FAM228B: variants seen among roughly 807,000 people sequenced by gnomAD.
FAM228B encodes protein FAM228B.
Under a neutral mutation model 42.6 loss-of-function variants are expected in FAM228B, and 38 were observed. That is an observed-to-expected ratio of 0.89 (90% CI 0.69 to 1.17). FAM228B has a LOEUF of 1.17. FAM228B is among the 50% of genes most tolerant of loss of function. The pLI, the probability that FAM228B is intolerant of heterozygous loss-of-function variation, is 0.00. For missense variants in FAM228B, 344 were observed against 367.3 expected, an observed-to-expected ratio of 0.94 and a Z score of 0.52; for synonymous variants, 109 against 122.3, an observed-to-expected ratio of 0.89 and a Z score of 0.72.
At chr2:24,142,166 A>T (rs891105818) in intron 5 of FAM228B, among the ~76,000 whole-genome samples, 2 of 152,034 alleles carry the variant, frequency 1.3e-5, no homozygotes, top group Admixed American at 1.3e-4. Flanking sequence ...GCTTGTCCTT[A>T]TTCTCAATTC....
chr2:24,161,123 T>TAATTATTAGCAGTCAGTGTATAATA (rs1184515494), intron 7 of FAM228B, among the ~76,000 whole-genome samples: 5 of 152,168 alleles, frequency 3.3e-5, no homozygotes, highest in Admixed American at 2.6e-4. Flanking sequence ...ATATTTCCTA[T>TAATTATTAGCAGTCAGTGTATAATA]ATAAATGTAA....
chr2:24,147,177 A>T (rs943703108), intron 7 of FAM228B, 91 bp downstream of exon 7: 7 of 930,298 alleles, frequency 7.5e-6, no homozygotes, highest in Admixed American at 3.4e-5. Context: ...ATGATTTTTT[A>T]AAATTATCAT....
upstream of FAM228B, among the ~76,000 whole-genome samples, chr2:24,120,007 G>A (rs1159063873): frequency 2.0e-5 from 3 of 152,050 alleles, no homozygotes; most frequent in Non-Finnish European, 2.9e-5. Context: ...AGTGGCTCCC[G>A]CCTGTAATCC....
chr2:24,145,463 T>C (rs1212033075), intron 5 of FAM228B, among the ~76,000 whole-genome samples: 3 of 152,098 alleles, frequency 2.0e-5, no homozygotes, highest in African/African-American at 7.2e-5. Flanking sequence ...TAGACACGTC[T>C]CCAGGAAAAA....
At chr2:24,155,572 C>T (rs1311768083) in intron 7 of FAM228B, among the ~76,000 whole-genome samples, 157 of 100,490 alleles carry the variant, frequency 1.6e-3, no homozygotes, top group African/African-American at 5.9e-3. Flanking sequence ...TGGATTTTCG[C>T]GCCTGTTGCT....
In FAM228B at chr2:24,084,470, C is replaced by T. The variant is rs1241859058; in HGVS notation, c.-210+3515C>T. 9.1e-7 allele frequency: 1 copy of T among 1,095,744 alleles called. No individual in the cohort carries two copies. The highest frequency in any genetic ancestry group is 1.2e-6 in the Non-Finnish European group (1 of 819,422). 67.9% of individuals were successfully genotyped at this position (1,095,744 alleles called of 1,614,324 possible). ...CCAGCCTCAGGCTGGCACCGCAGCGCCCCCTGCCGGCCAGCGCCTCGCTGC... is the reference window on the plus strand; with the variant it reads ...CCAGCCTCAGGCTGGCACCGCAGCGTCCCCTGCCGGCCAGCGCCTCGCTGC... On this transcript the variant is annotated intron_variant, in intron 2 of 10. Transcript: ENST00000613899. The surrounding 1 kb of genome is among the most constrained non-coding windows in gnomAD (Gnocchi z 8.4).
Position 24,080,508 on chromosome 2 carries a change from CT to C in FAM228B, c.-289-367del, listed in dbSNP as rs1664951177. 6.6e-6 allele frequency among the ~76,000 whole-genome samples: 1 copy of C among 152,200 alleles called. No homozygotes were observed. Among genetic ancestry groups the C allele is most frequent in the African/African-American group, 2.4e-5 (1 of 41,444 alleles). On this transcript the variant is annotated intron_variant, in intron 1 of 10. Coordinates refer to the FAM228B transcript ENST00000613899. The surrounding 1 kb of genome is among the most constrained non-coding windows in gnomAD (Gnocchi z 4.7). ...TCCAAACTGGTCTCTGCCTCCAAGC[CT>C]CCTGTTAACTAAGTGTGGAATGGCT... is the stretch of plus-strand genomic sequence containing the variant.
chr2:24,125,788 C>G lies in FAM228B; in HGVS notation c.99+1328C>G, dbSNP rs541348897. On this transcript the variant is annotated intron_variant, in intron 2 of 10. Transcript: ENST00000615575. Reference sequence around the variant, plus strand: ...ATGTTGGCCAGGCTGGTCTCAAACTCCTGACCTCAAGTGATCTGCCCGCCT... The same window carrying G: ...ATGTTGGCCAGGCTGGTCTCAAACTGCTGACCTCAAGTGATCTGCCCGCCT... 5.5e-4 allele frequency among the ~76,000 whole-genome samples: 83 copies of G among 152,278 alleles called. 1 individual carries two copies. In the South Asian group the frequency reaches 0.016, roughly 29 times the overall value.
At chr2:24,108,137 C>G (rs984771064) in intron 3 of FAM228B, among the ~76,000 whole-genome samples, 2 of 152,192 alleles carry the variant, frequency 1.3e-5, no homozygotes, top group South Asian at 4.1e-4. Context: ...TTAGAGACTA[C>G]TTTGAATACC....
intron 2 of FAM228B, chr2:24,082,881 T>A: frequency 6.3e-7 from 1 of 1,599,762 alleles, no homozygotes; most frequent in Non-Finnish European, 8.5e-7. Context: ...GGAGGCCTCC[T>A]CACCCACAAG....
intron 5 of FAM228B, among the ~76,000 whole-genome samples, chr2:24,140,929 A>G (rs1028530273): frequency 1.3e-5 from 2 of 151,428 alleles, no homozygotes; most frequent in Non-Finnish European, 2.9e-5. Context: ...GTGTCACTGC[A>G]CTCCAGCCTG....
intron 7 of FAM228B, among the ~76,000 whole-genome samples, chr2:24,150,035 T>C (rs941224930): frequency 1.3e-5 from 2 of 152,190 alleles, no homozygotes; most frequent in African/African-American, 4.8e-5. Context: ...GTTGTTCCTC[T>C]TTGTGTCTTA....
chr2:24,092,528 T>C lies in FAM228B; in HGVS notation c.-209-2613T>C, dbSNP rs60417450. On this transcript the variant is annotated intron_variant, in intron 2 of 10. Coordinates refer to the FAM228B transcript ENST00000613899. The stretch of plus-strand genomic sequence containing the variant: ...AGGCAGAGGTTGCAGTGAGCCGAGA[T>C]CGCGCCCTGCACTCCAGCCTGGGTG... Among the ~76,000 whole-genome samples the C allele has an allele frequency of 6.0e-4, 90 of 149,744 alleles. 1 individual carries two copies. Among genetic ancestry groups the C allele is most frequent in the Middle Eastern group, 3.7e-3 (1 of 268 alleles).
Position 24,125,710 on chromosome 2 carries a change from G to A in FAM228B, c.99+1250G>A, listed in dbSNP as rs778601615. On this transcript the variant is annotated intron_variant, in intron 2 of 10. Coordinates refer to ENST00000615575, the MANE Select transcript of FAM228B (RefSeq NM_001145710.2). ...TGAGTAGCTAGGATTACAGGCCTGC[G>A]CCACCACACCTGGCTAATTTTTTTG... Among the ~76,000 whole-genome samples the A allele has an allele frequency of 9.2e-5, 14 of 152,026 alleles. No individual in the cohort carries two copies. In the East Asian group the frequency reaches 1.4e-3, roughly 15 times the overall value.
intron 2 of FAM228B, among the ~76,000 whole-genome samples, chr2:24,082,438 T>C (rs996905219): frequency 1.3e-5 from 2 of 152,226 alleles, no homozygotes; most frequent in Admixed American, 6.5e-5. Context: ...TTCTAAACTC[T>C]ATGGTCATCT....
At chr2:24,132,490 T>TTTTTTTTTTTA (rs1341388873) in intron 2 of FAM228B, among the ~76,000 whole-genome samples, 1 of 141,946 alleles carries the variant, frequency 7.0e-6, no homozygotes, top group Non-Finnish European at 1.5e-5. Flanking sequence ...TTTTTTTTTT[T>TTTTTTTTTTTA]GGTTGATAGG....
chr2:24,138,168 A>ATCAT (rs1343567162), intron 4 of FAM228B, 68 bp downstream of exon 4: 2 of 1,234,412 alleles, frequency 1.6e-6, no homozygotes, highest in African/African-American at 3.1e-5. Context: ...TTCATTTATA[A>ATCAT]TCATTCAGTC....
intron 3 of FAM228B, among the ~76,000 whole-genome samples, chr2:24,111,825 T>A (rs769636489): frequency 6.6e-6 from 1 of 151,910 alleles, no homozygotes; most frequent in African/African-American, 2.4e-5. Flanking sequence ...AGGGGGCTGA[T>A]AAATTAGAGC....
At chr2:24,156,357 GCGTGGTGGCTCACAC>G (rs1451805775) in intron 7 of FAM228B, among the ~76,000 whole-genome samples, 1 of 152,016 alleles carries the variant, frequency 6.6e-6, no homozygotes, top group Admixed American at 6.6e-5. Context: ...TTCTGGCCAG[GCGTGGTGGCTCACAC>G]CTGTAATCCC....
Sources: allele counts gnomAD v4.1 joint callset (sites outside exome capture counted in the v4.1 genomes callset), GRCh38; gene constraint gnomAD v4.1.1; non-coding constraint Gnocchi (gnomAD v3.1); transcripts MANE v1.5; gene names NCBI Gene and HGNC (gene_info 2026-07-23, HGNC 2026-07-21).